FOXN3: variants seen among roughly 807,000 people sequenced by gnomAD.
FOXN3 encodes the protein forkhead box protein N3.
Under a neutral mutation model 38.4 loss-of-function variants are expected in FOXN3, and 7 were observed. The observed-to-expected ratio is 0.18, with a 90% confidence interval of 0.10 to 0.34. FOXN3 has a LOEUF of 0.34. FOXN3 is among the 10% of genes least tolerant of loss of function. The probability of loss-of-function intolerance (pLI) is 1.00; values close to 1 mark genes in which losing one functional copy is unlikely to be tolerated. For missense variants in FOXN3, 456 were observed against 613.4 expected (o/e 0.74, Z 2.71); for synonymous variants, 230 against 242.2 (o/e 0.95, Z 0.47).
chr14:89,209,494 T>C (rs74449459), intron 4 of FOXN3, among the ~76,000 whole-genome samples: 3,582 of 152,318 alleles, frequency 0.024, 50 homozygotes, highest in Non-Finnish European at 0.032. Flanking sequence ...GCAGACAATG[T>C]CACACCACAA....
intron 1 of FOXN3, among the ~76,000 whole-genome samples, chr14:89,463,872 C>A (rs182466908): frequency 2.0e-5 from 3 of 151,392 alleles, no homozygotes; most frequent in Admixed American, 2.0e-4. Flanking sequence ...GCAACCTCTG[C>A]CTCCCAGGTT....
At chr14:89,377,838 G>A (rs1890529382) in intron 2 of FOXN3, among the ~76,000 whole-genome samples, 1 of 152,204 alleles carries the variant, frequency 6.6e-6, no homozygotes, top group South Asian at 2.1e-4. Context: ...TCTTAAACAA[G>A]TAATTGGGAA....
intron 2 of FOXN3, among the ~76,000 whole-genome samples, chr14:89,387,179 C>A (rs941898719): frequency 1.3e-5 from 2 of 152,150 alleles, no homozygotes; most frequent in Non-Finnish European, 2.9e-5. Flanking sequence ...TCACTTGAAC[C>A]CAGAAGGCGA....
chr14:89,419,304 A>T, upstream of FOXN3: 1 of 433,254 alleles, frequency 2.3e-6, no homozygotes, highest in East Asian at 7.2e-5. Context: ...GGAGGGCTTA[A>T]TGTGGCCTTT....
chr14:89,315,482 G>T (rs1231166358), intron 3 of FOXN3, among the ~76,000 whole-genome samples: 1 of 152,068 alleles, frequency 6.6e-6, no homozygotes. Context: ...ACGAATCTGG[G>T]TGTCCAGTCT....
intron 1 of FOXN3, among the ~76,000 whole-genome samples, chr14:89,520,737 C>A (rs975566465): frequency 1.3e-5 from 2 of 152,118 alleles, no homozygotes; most frequent in African/African-American, 4.8e-5. Flanking sequence ...TCACAACAAC[C>A]AAGTTACTAT....
At chr14:89,344,704 T>C (rs574675100) in intron 3 of FOXN3, among the ~76,000 whole-genome samples, 21 of 152,178 alleles carry the variant, frequency 1.4e-4, no homozygotes, top group Non-Finnish European at 2.6e-4. Context: ...AGGTCACCCA[T>C]TGAGGAACTG....
intron 4 of FOXN3, among the ~76,000 whole-genome samples, chr14:89,277,613 G>A (rs17798843): frequency 0.19 from 28,791 of 151,948 alleles, 3,006 homozygotes; most frequent in South Asian, 0.31. Context: ...ACAGGCACCC[G>A]ACGTCCAGGG....
At position 89,409,725 on chromosome 14, in the gene FOXN3, C is replaced by T. The variant is rs376145130; in HGVS notation, c.543+2209G>A. ...TTCCCTTTCTTGCCACAAAGACCCA[C>T]CTATACAGAAGCTTTAAATACCACA... On this transcript the variant is annotated intron_variant, in intron 2 of 5. Coordinates refer to ENST00000557258, the MANE Select transcript of FOXN3 (RefSeq NM_005197.4). Among the ~76,000 whole-genome samples the T allele has an allele frequency of 4.7e-4, 72 of 152,260 alleles. 1 individual carries two copies. The South Asian group carries it at 0.014, about 29-fold the overall frequency.
chr14:89,502,414 C>T (rs1241169951), intron 1 of FOXN3, among the ~76,000 whole-genome samples: 2 of 152,126 alleles, frequency 1.3e-5, no homozygotes, highest in Admixed American at 6.5e-5. Context: ...AGTTGGGTAG[C>T]AGGTACATGG....
At chr14:89,344,855 T>G (rs144383191) in intron 3 of FOXN3, among the ~76,000 whole-genome samples, 117 of 152,306 alleles carry the variant, frequency 7.7e-4, no homozygotes, top group African/African-American at 2.7e-3. Flanking sequence ...AAAATACGCA[T>G]ATTCTTTAAT....
intron 1 of FOXN3, among the ~76,000 whole-genome samples, chr14:89,470,308 AG>A (rs1353557004): frequency 7.1e-6 from 1 of 141,776 alleles, no homozygotes; most frequent in Non-Finnish European, 1.6e-5. Flanking sequence ...AAAAAAAAAA[AG>A]CATTAAATGC....
intron 1 of FOXN3, among the ~76,000 whole-genome samples, chr14:89,467,980 C>T (rs1893014469): frequency 6.6e-6 from 1 of 151,394 alleles, no homozygotes; most frequent in African/African-American, 2.4e-5. Flanking sequence ...CCCAGTCCTT[C>T]CTACTTTTTT....
At chr14:89,490,279 T>G (rs1170982180) in intron 1 of FOXN3, among the ~76,000 whole-genome samples, 1 of 152,230 alleles carries the variant, frequency 6.6e-6, no homozygotes, top group East Asian at 1.9e-4. Flanking sequence ...CAGTCCACTT[T>G]TGTTTTTAAT....
intron 1 of FOXN3, among the ~76,000 whole-genome samples, chr14:89,615,636 A>G (rs181963098): frequency 1.1e-3 from 162 of 152,338 alleles, no homozygotes; most frequent in African/African-American, 3.8e-3. Flanking sequence ...AGCAACTGAC[A>G]TGTTTCCTGC....
At chr14:89,432,966 C>T (rs772701313) in intron 1 of FOXN3, among the ~76,000 whole-genome samples, 2 of 152,178 alleles carry the variant, frequency 1.3e-5, no homozygotes, top group Non-Finnish European at 2.9e-5. Context: ...CAGGCGTGAG[C>T]CAACGAGCAC....
At chr14:89,555,774 C>A (rs994000020) in intron 1 of FOXN3, among the ~76,000 whole-genome samples, 3 of 151,164 alleles carry the variant, frequency 2.0e-5, no homozygotes, top group African/African-American at 7.3e-5. Flanking sequence ...GGAGATTTGA[C>A]CAAAGACCCC....
chr14:89,191,683 T>G (rs1174713658), intron 4 of FOXN3, among the ~76,000 whole-genome samples: 1 of 150,812 alleles, frequency 6.6e-6, no homozygotes, highest in Non-Finnish European at 1.5e-5. Flanking sequence ...AGGAGTAACA[T>G]GATTGGTAAA....
chr14:89,297,146 A>G (rs1375248699), intron 3 of FOXN3, among the ~76,000 whole-genome samples: 2 of 152,098 alleles, frequency 1.3e-5, no homozygotes, highest in Non-Finnish European at 1.5e-5. Flanking sequence ...AAGGCAAGTA[A>G]AGGGAAAAGC....
Sources: gnomAD v4.1 joint callset for allele counts (sites outside exome capture counted in the v4.1 genomes callset) on GRCh38, gnomAD v4.1.1 for gene constraint, MANE v1.5 for transcripts, NCBI Gene and HGNC (gene_info 2026-07-23, HGNC 2026-07-21) for gene names.